NYAP2: variants seen among roughly 807,000 people sequenced by gnomAD.
NYAP2 encodes the protein neuronal tyrosine-phosphorylated phosphoinositide-3-kinase adaptor 2.
Under a neutral mutation model 50.4 loss-of-function variants are expected in NYAP2, and 23 were observed. That is an observed-to-expected ratio of 0.46 (90% CI 0.33 to 0.65). The LOEUF is 0.65. Ranked by LOEUF, NYAP2 falls within the 30% of genes least tolerant of loss-of-function variation. NYAP2 has a pLI of 0.02. For synonymous variants in NYAP2, 394 were observed against 365.2 expected (o/e 1.08, Z -0.90); for missense variants, 885 against 861.0 (o/e 1.03, Z -0.35).
chr2:225,409,010 C>G (rs757954453), exon 3 of NYAP2: 1 of 1,612,278 alleles, frequency 6.2e-7, no homozygotes, highest in Non-Finnish European at 8.5e-7. Context: ...AGATATTGCT[C>G]GAGAGAATGA....
At chr2:225,526,299 A>G (rs1483172112) in intron 4 of NYAP2, among the ~76,000 whole-genome samples, 4 of 152,210 alleles carry the variant, frequency 2.6e-5, no homozygotes, top group African/African-American at 9.6e-5. Context: ...GAGAAAAGCA[A>G]CTTAGCAAAG....
At chr2:225,643,626 A>C (rs1693572674) in intron 6 of NYAP2, among the ~76,000 whole-genome samples, 2 of 140,338 alleles carry the variant, frequency 1.4e-5, no homozygotes, top group Non-Finnish European at 3.0e-5. Context: ...CCAGAGTGTG[A>C]TGTTCCCCTT....
chr2:225,549,776 G>A lies in NYAP2; in HGVS notation c.524-32165G>A, dbSNP rs375278598. Among the ~76,000 whole-genome samples, 46 of 152,214 alleles carry A rather than the reference G, an allele frequency of 3.0e-4. No individual in the cohort carries two copies. In the South Asian group the frequency reaches 8.3e-3, roughly 27 times the overall value. On this transcript the variant is annotated intron_variant, in intron 4 of 6. Coordinates refer to ENST00000636099, the Ensembl canonical transcript of NYAP2. Reference sequence around the variant, plus strand: ...GTGGGTGGATCACCTGAGGTCAGGAGTTCAAAACCACCCTGGCCAACATGG... The same window carrying A: ...GTGGGTGGATCACCTGAGGTCAGGAATTCAAAACCACCCTGGCCAACATGG...
At chr2:225,475,298 C>T (rs989739129) in intron 3 of NYAP2, among the ~76,000 whole-genome samples, 9 of 152,168 alleles carry the variant, frequency 5.9e-5, no homozygotes, top group African/African-American at 2.2e-4. Flanking sequence ...CCAAACCCTA[C>T]AATACAATGC....
At chr2:225,443,117 C>A (rs1445188993) in intron 3 of NYAP2, among the ~76,000 whole-genome samples, 1 of 152,156 alleles carries the variant, frequency 6.6e-6, no homozygotes, top group Non-Finnish European at 1.5e-5. Flanking sequence ...TCCCATGACA[C>A]ATGGGGATAA....
chr2:225,615,754 C>G (rs1008078006), intron 5 of NYAP2, among the ~76,000 whole-genome samples: 36 of 152,202 alleles, frequency 2.4e-4, no homozygotes, highest in African/African-American at 8.7e-4. Flanking sequence ...CTGATTAGAG[C>G]CAGCCAGACA....
chr2:225,582,328 T>G lies in NYAP2; in HGVS notation c.911T>G (p.Leu304Trp), dbSNP rs1274066895. ...TGTGCTACTCCCACGGTGCCTGACT[T>G]GGACTTCGCCAAGGCCTCAGTGCCA... Residue 304 changes from leucine (L) to tryptophan (W), a missense_variant, in exon 5 of 7, where the codon TTG (leucine) becomes TGG (tryptophan). Transcript: ENST00000636099. The surrounding 1 kb of genome is among the most constrained non-coding windows in gnomAD (Gnocchi z 7.0). 6.2e-7 allele frequency: 1 copy of G among 1,613,986 alleles called. No individual in the cohort carries two copies. The highest frequency in any genetic ancestry group is 1.1e-5 in the South Asian group (1 of 91,086).
At chr2:225,571,881 C>T (rs937581866) in intron 4 of NYAP2, among the ~76,000 whole-genome samples, 1 of 152,176 alleles carries the variant, frequency 6.6e-6, no homozygotes, top group African/African-American at 2.4e-5. Context: ...ATTTTCCAAA[C>T]TTTTATTCTC....
intron 6 of NYAP2, among the ~76,000 whole-genome samples, chr2:225,646,785 G>T (rs960858872): frequency 6.6e-6 from 1 of 152,150 alleles, no homozygotes; most frequent in Non-Finnish European, 1.5e-5. Context: ...AGTTTAATTT[G>T]CCATGTTCAA....
intron 3 of NYAP2, among the ~76,000 whole-genome samples, chr2:225,413,416 T>A (rs1054238170): frequency 3.3e-5 from 5 of 152,194 alleles, no homozygotes; most frequent in African/African-American, 9.6e-5. Flanking sequence ...CAGTTAGAGC[T>A]GTGGAATCTC....
chr2:225,569,087 G>C (rs566912739), intron 4 of NYAP2, among the ~76,000 whole-genome samples: 2 of 152,128 alleles, frequency 1.3e-5, no homozygotes, highest in African/African-American at 4.8e-5. Flanking sequence ...ATGAGGGATA[G>C]CAAATAATTT....
intron 4 of NYAP2, 79 bp from the exon 5 acceptor site, chr2:225,581,862 T>C: frequency 2.9e-6 from 4 of 1,385,342 alleles, no homozygotes; most frequent in Non-Finnish European, 3.9e-6. Flanking sequence ...AAGTTTATTG[T>C]AGTAAACCCA....
chr2:225,683,295 G>A, the NYAP2 span, among the ~76,000 whole-genome samples: 5 of 152,052 alleles, frequency 3.3e-5, no homozygotes, highest in Admixed American at 6.6e-5. Flanking sequence ...TTGAAAGCTT[G>A]GTGCTGAGAG....
the NYAP2 span, among the ~76,000 whole-genome samples, chr2:225,680,036 A>C: frequency 6.6e-6 from 1 of 152,114 alleles, no homozygotes; most frequent in African/African-American, 2.4e-5. Context: ...TATGAGATAG[A>C]TAGCACCGGG....
intron 3 of NYAP2, among the ~76,000 whole-genome samples, chr2:225,445,311 T>C (rs930780854): frequency 6.6e-6 from 1 of 152,106 alleles, no homozygotes; most frequent in Non-Finnish European, 1.5e-5. Flanking sequence ...TTTCCTAAAG[T>C]TTTTTAGGAA....
At chr2:225,562,787 T>G (rs146435627) in intron 4 of NYAP2, among the ~76,000 whole-genome samples, 52 of 152,270 alleles carry the variant, frequency 3.4e-4, no homozygotes, top group Admixed American at 2.8e-3. Context: ...TTTCTACTTG[T>G]GCGTTTCCAG....
chr2:225,505,007 C>G (rs1226803046), intron 3 of NYAP2, among the ~76,000 whole-genome samples: 1 of 107,296 alleles, frequency 9.3e-6, no homozygotes, highest in Non-Finnish European at 2.0e-5. Flanking sequence ...GACTGCGTCT[C>G]GAAAAAAAAA....
chr2:225,487,679 T>C (rs771377130), intron 3 of NYAP2, among the ~76,000 whole-genome samples: 10 of 152,096 alleles, frequency 6.6e-5, no homozygotes, highest in African/African-American at 2.4e-4. Context: ...CCTGATAGAT[T>C]TTATTTAGGA....
chr2:225,406,228 C>A (rs1694936874), intron 2 of NYAP2, among the ~76,000 whole-genome samples: 1 of 151,796 alleles, frequency 6.6e-6, no homozygotes, highest in South Asian at 2.1e-4. Context: ...CTTATCCATG[C>A]CCTTCAGGAC....
Sources: gnomAD v4.1 joint callset for allele counts (sites outside exome capture counted in the v4.1 genomes callset) on GRCh38, gnomAD v4.1.1 for gene constraint, Gnocchi (gnomAD v3.1) non-coding constraint, MANE v1.5 for transcripts, NCBI Gene and HGNC (gene_info 2026-07-23, HGNC 2026-07-21) for gene names.